Variants in ZNF410 observed in about 807,000 individuals in gnomAD.
The protein encoded by ZNF410 is zinc finger protein 410.
A neutral mutation model predicts 54.8 loss-of-function variants in ZNF410; 18 were observed. The observed-to-expected ratio is 0.33, with a 90% CI of 0.23 to 0.49. ZNF410 has a LOEUF of 0.49. Among genes scored for constraint, ZNF410 ranks in the 20% least tolerant of loss-of-function variants. ZNF410 has a pLI of 0.99. For missense variants in ZNF410, 405 were observed against 569.6 expected, an observed-to-expected ratio of 0.71 and a Z score of 2.94; for synonymous variants, 191 against 207.3, an observed-to-expected ratio of 0.92 and a Z score of 0.68.
chr14:73,903,701 T>C (rs1008700076), intron 5 of ZNF410: 2 of 451,326 alleles, frequency 4.4e-6, no homozygotes, highest in Admixed American at 7.3e-5. Context: ...GGTTTCACCA[T>C]GTTGCCCATG....
intron 5 of ZNF410, chr14:73,898,549 G>A (rs921978815): frequency 2.0e-5 from 10 of 503,358 alleles, no homozygotes; most frequent in Non-Finnish European, 3.1e-5. Context: ...TTATTGTAAT[G>A]TCTCTTAAAT....
chr14:73,904,255 A>G (rs905045931), intron 6 of ZNF410, 145 bp downstream of exon 6: 1 of 805,072 alleles, frequency 1.2e-6, no homozygotes, highest in Non-Finnish European at 1.9e-6. Context: ...TTTCTTTAAT[A>G]GAAGGATTTG....
In ZNF410 at chr14:73,905,154, A is replaced by G. The variant is rs76601017; in HGVS notation, c.913+71A>G. ...CTGCATGTTTGCCTCTCCTTAGGAA[A>G]GACTCAAGTGGGAATAGAAATGAAG... On this transcript the variant is annotated intron_variant, in intron 7 of 11. Transcript: ENST00000555044. The G allele has an allele frequency of 8.6e-4, 1,291 of 1,501,866 alleles. 10 individuals are homozygous for G. The African/African-American group carries it at 0.016, about 19-fold the overall frequency. 93.0% of individuals were successfully genotyped at this position (1,501,866 alleles called of 1,614,324 possible).
chr14:73,908,223 A>C (rs942642283), intron 7 of ZNF410, among the ~76,000 whole-genome samples: 40 of 152,084 alleles, frequency 2.6e-4, no homozygotes, highest in African/African-American at 8.9e-4. Flanking sequence ...CCATCCTCTC[A>C]AGTTTCCAAA....
intron 8 of ZNF410, among the ~76,000 whole-genome samples, chr14:73,912,234 A>C (rs1265615779): frequency 6.9e-6 from 1 of 143,972 alleles, no homozygotes; most frequent in African/African-American, 2.6e-5. Context: ...CAGTGGCGTG[A>C]TCTTGGCTCA....
intron 6 of ZNF410, among the ~76,000 whole-genome samples, 193 bp downstream of exon 6, chr14:73,904,303 T>A (rs963315835): frequency 6.6e-6 from 1 of 152,206 alleles, no homozygotes; most frequent in African/African-American, 2.4e-5. Flanking sequence ...AAATATTTAA[T>A]AAGACATTTG....
At chr14:73,898,013 C>G (rs2055349586) in intron 4 of ZNF410, 58 bp from the exon 5 acceptor site, 2 of 1,471,874 alleles carry the variant, frequency 1.4e-6, no homozygotes, top group Admixed American at 3.9e-5. Flanking sequence ...GTCTCTGAGC[C>G]AGGGCAAATA....
chr14:73,904,787 G>C, intron 6 of ZNF410, 115 bp from the exon 7 acceptor site: 2 of 1,171,932 alleles, frequency 1.7e-6, no homozygotes, highest in Non-Finnish European at 2.4e-6. Context: ...AGTTGATTCT[G>C]ATATATCCAG....
At chr14:73,924,297 T>C (rs962660897) in intron 11 of ZNF410, among the ~76,000 whole-genome samples, 3 of 152,200 alleles carry the variant, frequency 2.0e-5, no homozygotes, top group African/African-American at 7.2e-5. Context: ...GCTGCTGATC[T>C]GACAGGAGAG....
chr14:73,931,502 G>T lies in ZNF410; in HGVS notation c.1399-1G>T. The T allele has an allele frequency of 6.2e-7, 1 of 1,606,410 alleles. No individual in the cohort carries two copies. The highest frequency in any genetic ancestry group is 8.5e-7 in the Non-Finnish European group (1 of 1,178,102). On this transcript the variant is annotated splice_acceptor_variant, in intron 11 of 11. Coordinates refer to ENST00000555044, the MANE Select transcript of ZNF410 (RefSeq NM_021188.3). LOFTEE classifies it high-confidence loss of function. ...CTAGATTTGCTTTCAATCTTTTACA[G>T]TTACTAAACCAAGGAGATTTAACTG...
At chr14:73,905,160 A>G in intron 7 of ZNF410, 77 bp downstream of exon 7, 1 of 1,462,624 alleles carries the variant, frequency 6.8e-7, no homozygotes. Flanking sequence ...GGAAAGACTC[A>G]AGTGGGAATA....
At chr14:73,903,887 G>C (rs908739568) in intron 5 of ZNF410, 73 bp from the exon 6 acceptor site, 25 of 1,561,308 alleles carry the variant, frequency 1.6e-5, no homozygotes, top group Non-Finnish European at 4.4e-6. Flanking sequence ...TAAAATATAG[G>C]AGCTTTATTG....
chr14:73,913,032 C>T (rs1288112640), intron 8 of ZNF410: 2 of 147,774 alleles, frequency 1.4e-5, no homozygotes, highest in African/African-American at 5.0e-5. Context: ...GATGTTCTCC[C>T]CCTCCTCCTA....
chr14:73,902,922 T>C (rs2055429683), intron 5 of ZNF410, among the ~76,000 whole-genome samples: 2 of 152,200 alleles, frequency 1.3e-5, no homozygotes, highest in Non-Finnish European at 2.9e-5. Context: ...TAAAATGTGG[T>C]TAGAAATTTA....
intron 4 of ZNF410, 166 bp downstream of exon 4, chr14:73,896,700 A>T: frequency 1.6e-6 from 1 of 612,694 alleles, no homozygotes; most frequent in Non-Finnish European, 2.8e-6. Context: ...GAGAGGGAGG[A>T]CTCTAGTATG....
chr14:73,923,422 C>A lies in ZNF410; in HGVS notation c.1298C>A (p.Ser433Tyr). The A allele has an allele frequency of 6.2e-7, 1 of 1,613,766 alleles. No individual in the cohort carries two copies. Among genetic ancestry groups the A allele is most frequent in the South Asian group, 1.1e-5 (1 of 90,918 alleles). Residue 433 changes from serine to tyrosine, a missense_variant, in exon 11 of 12, where the codon TCC (serine) becomes TAC (tyrosine). This residue lies in a region of ZNF410 where 127 missense variants were observed against 141.3 expected (regional missense o/e 0.90). Transcript: ENST00000555044. ...DEVLAEGSPR[S>Y]LSSVPDVTHH... ...GTGCTTGCTGAAGGATCCCCACGTT[C>A]CCTGTCTTCAGTGCCTGATGTGACA...
intron 7 of ZNF410, among the ~76,000 whole-genome samples, chr14:73,908,485 A>G (rs968672733): frequency 2.0e-5 from 3 of 152,196 alleles, no homozygotes; most frequent in Admixed American, 2.0e-4. Flanking sequence ...AAACATTGAA[A>G]AAAGCTACCG....
chr14:73,914,520 A>T (rs144506547), intron 8 of ZNF410: 2 of 150,704 alleles, frequency 1.3e-5, no homozygotes, highest in African/African-American at 4.9e-5. Flanking sequence ...GGGTCTTGCC[A>T]TATTGCCCAG....
chr14:73,892,819 G>A (rs112548209), intron 2 of ZNF410, among the ~76,000 whole-genome samples: 1,708 of 152,236 alleles, frequency 0.011, 27 homozygotes, highest in African/African-American at 0.039. Flanking sequence ...GGTGGCTCAC[G>A]CCTGTAATCC....
Sources: allele counts gnomAD v4.1 joint callset (sites outside exome capture counted in the v4.1 genomes callset), GRCh38; gene constraint gnomAD v4.1.1; regional missense constraint gnomAD v4.1.1; transcripts MANE v1.5; gene names NCBI Gene and HGNC (gene_info 2026-07-23, HGNC 2026-07-21).